Variants in MS4A12 observed in about 807,000 individuals in gnomAD.
MS4A12 encodes membrane-spanning 4-domains subfamily A member 12.
A neutral mutation model predicts 23.7 loss-of-function variants in MS4A12; 28 were observed. That is an observed-to-expected ratio of 1.18 (90% CI 0.88 to 1.62). MS4A12 has a LOEUF of 1.62. Among genes scored for constraint, MS4A12 ranks in the 40% most tolerant of loss-of-function variants. The pLI, the probability that MS4A12 is intolerant of heterozygous loss-of-function variation, is 0.00. For missense variants in MS4A12, 342 were observed against 327.0 expected, an observed-to-expected ratio of 1.05 and a Z score of -0.35; for synonymous variants, 108 against 110.1, an observed-to-expected ratio of 0.98 and a Z score of 0.12.
chr11:60,493,652 G>C (rs975384087), intron 1 of MS4A12, among the ~76,000 whole-genome samples: 6 of 152,078 alleles, frequency 3.9e-5, no homozygotes, highest in African/African-American at 1.4e-4. Flanking sequence ...TCAGCATTTT[G>C]TGAAAGGTGA....
intron 2 of MS4A12, 163 bp downstream of exon 2, chr11:60,497,757 A>T: frequency 1.2e-6 from 1 of 819,254 alleles, no homozygotes. Context: ...CCTTGAGTTC[A>T]TTTCATTTTA....
Position 60,501,059 on chromosome 11 carries a change from G to A in MS4A12, c.291G>A (p.Met97Ile). ...TCTTTTTTCAGGTGATCCAGATCAT[G>A]GTTGGATTGATGCACATTGGTTTTG... ...EAKALGVIQI[M>I]VGLMHIGFGI... The change falls in exon 3 of 7, where the codon ATG becomes ATA. Residue 97 changes from methionine (M) to isoleucine (I), a missense_variant. Physicochemically the swap from Met to Ile is conservative, Grantham distance 10. Coordinates refer to ENST00000016913, the MANE Select transcript of MS4A12 (RefSeq NM_017716.3). The A allele has an allele frequency of 6.2e-7, 1 of 1,607,470 alleles. No homozygotes were observed. Among genetic ancestry groups the A allele is most frequent in the Non-Finnish European group, 8.5e-7 (1 of 1,177,740 alleles).
chr11:60,501,176 C>G lies in MS4A12; in HGVS notation c.408C>G (p.Gly136=). ...AVIGGYPFWG[G]LSFIISGSLS... ...TTGGTGGATACCCATTCTGGGGTGG[C>G]CTTTCTGTGAGTAGATTGCTAGAAC... The change falls in exon 3 of 7, where the codon GGC becomes GGG. Residue 136 remains glycine, a synonymous_variant. Coordinates refer to ENST00000016913, the MANE Select transcript of MS4A12 (RefSeq NM_017716.3). 8 of 1,604,458 alleles carry G rather than the reference C, an allele frequency of 5.0e-6. No homozygotes were observed. The highest frequency in any genetic ancestry group is 6.8e-6 in the Non-Finnish European group (8 of 1,177,040).
At position 60,501,136 on chromosome 11, in the gene MS4A12, C is replaced by A. The variant is rs1309023758; in HGVS notation, c.368C>A (p.Ala123Asp). The A allele has an allele frequency of 1.2e-6, 2 of 1,613,198 alleles. No homozygotes were observed. Among genetic ancestry groups the A allele is most frequent in the Non-Finnish European group, 8.5e-7 (1 of 1,179,696 alleles). The change falls in exon 3 of 7, where the codon GCC (alanine) becomes GAC (aspartate). Residue 123 changes from alanine (A) to aspartate (D), a missense_variant. Physicochemically the swap from Ala to Asp is moderately radical, Grantham distance 126. Coordinates refer to ENST00000016913, the MANE Select transcript of MS4A12 (RefSeq NM_017716.3). ...SFSFREVLGF[A>D]STAVIGGYPF... ...TCTTTTAGAGAAGTATTAGGTTTTG[C>A]CTCTACTGCTGTTATTGGTGGATAC...
At chr11:60,506,453 AAAC>A (rs1346379758) in intron 5 of MS4A12, among the ~76,000 whole-genome samples, 26 of 152,346 alleles carry the variant, frequency 1.7e-4, no homozygotes, top group African/African-American at 4.8e-4. Context: ...GTATTAAAAA[AAAC>A]AACGAGGCCA....
intron 1 of MS4A12, among the ~76,000 whole-genome samples, chr11:60,494,375 A>G (rs2086472206): frequency 6.6e-6 from 1 of 152,258 alleles, no homozygotes; most frequent in Non-Finnish European, 1.5e-5. Flanking sequence ...ACAAAAAAAA[A>G]GCAATGATCA....
rs767148279 is a variant in MS4A12, at chr11:60,507,136, G to A, written c.*12G>A. 8 of 1,587,302 alleles carry A rather than the reference G, an allele frequency of 5.0e-6. No individual in the cohort carries two copies. The highest frequency in any genetic ancestry group is 6.9e-6 in the Non-Finnish European group (8 of 1,155,878). On this transcript the variant is annotated 3_prime_UTR_variant, in exon 7 of 7. Transcript: ENST00000016913. ...ATGCCCCTAAATAGTAAAAGAAAAA[G>A]GGGTATCAGTCTAATCTCATGGAGA...
chr11:60,498,721 C>T (rs1183744890), intron 2 of MS4A12, among the ~76,000 whole-genome samples: 1 of 152,166 alleles, frequency 6.6e-6, no homozygotes, highest in African/African-American at 2.4e-5. Flanking sequence ...CTAAAAAGTA[C>T]TAGGCAGTGA....
chr11:60,500,408 G>C (rs1397214181), intron 2 of MS4A12, among the ~76,000 whole-genome samples: 1 of 152,176 alleles, frequency 6.6e-6, no homozygotes, highest in Non-Finnish European at 1.5e-5. Flanking sequence ...GCAGAGCTGA[G>C]CATGGGGGAA....
In MS4A12 at chr11:60,500,261, C is replaced by CA. The variant is rs1322776085; in HGVS notation, c.277-773dup. ...GTCTCAAAAAAAAACCAAAAAAAAA[C>CA]AAAAAAAAAAACAATATAAATGAAT... On this transcript the variant is annotated intron_variant, in intron 2 of 6. Transcript: ENST00000016913. 2.8e-3 allele frequency among the ~76,000 whole-genome samples: 369 copies of CA among 131,854 alleles called. 5 individuals carry two copies. The highest frequency in any genetic ancestry group is 4.9e-3 in the South Asian group (20 of 4,078). The allele number at this position is 131,854 out of a possible 152,430, so 86.5% of individuals were successfully genotyped here. A position where few individuals can be genotyped will look rare whatever the true frequency, so the allele number is the denominator to read the frequency against.
chr11:60,497,734 C>T, intron 2 of MS4A12, 140 bp downstream of exon 2: 1 of 953,862 alleles, frequency 1.0e-6, no homozygotes, highest in South Asian at 1.8e-5. Flanking sequence ...ATTTAGTCTG[C>T]CTATAGACTT....
At position 60,497,329 on chromosome 11, in the gene MS4A12, C is replaced by T. The variant is rs2086494849; in HGVS notation, c.11C>T (p.Ser4Phe). ...GATACTTAGGACATAATGATGTCAT[C>T]CAAGCCAACAAGCCATGCTGAAGTA... MMS[S>F]KPTSHAEVNE... The change falls in exon 2 of 7, where the codon TCC becomes TTC. Residue 4 changes from serine to phenylalanine, a missense_variant. Coordinates refer to ENST00000016913, the MANE Select transcript of MS4A12 (RefSeq NM_017716.3). The T allele has an allele frequency of 1.2e-6, 2 of 1,612,964 alleles. No individual in the cohort carries two copies. Among genetic ancestry groups the T allele is most frequent in the South Asian group, 2.2e-5 (2 of 90,868 alleles).
intron 5 of MS4A12, among the ~76,000 whole-genome samples, chr11:60,504,948 A>G (rs181305910): frequency 2.0e-5 from 3 of 152,294 alleles, no homozygotes; most frequent in African/African-American, 4.8e-5. Flanking sequence ...CTCTGAGACA[A>G]TCCTTTGTTA....
At chr11:60,503,905 G>A in intron 5 of MS4A12, 88 bp downstream of exon 5, 1 of 1,121,192 alleles carries the variant, frequency 8.9e-7, no homozygotes, top group Non-Finnish European at 1.3e-6. Context: ...CCGTATACCA[G>A]CTCTAGTGGA....
chr11:60,503,604 G>T, intron 4 of MS4A12, 97 bp from the exon 5 acceptor site: 1 of 1,018,922 alleles, frequency 9.8e-7, no homozygotes, highest in Non-Finnish European at 1.4e-6. Flanking sequence ...TGTTTTGAAA[G>T]TTCAAAAATT....
At chr11:60,505,691 C>T (rs2086565171) in intron 5 of MS4A12, among the ~76,000 whole-genome samples, 1 of 152,140 alleles carries the variant, frequency 6.6e-6, no homozygotes, top group South Asian at 2.1e-4. Flanking sequence ...CACTAACACT[C>T]TCCAGTCTGT....
intron 2 of MS4A12, among the ~76,000 whole-genome samples, chr11:60,498,224 T>G (rs2086504424): frequency 6.6e-6 from 1 of 152,208 alleles, no homozygotes; most frequent in Non-Finnish European, 1.5e-5. Flanking sequence ...TTCTCCGTGC[T>G]TTCCAAATAC....
At chr11:60,501,242 A>G in intron 3 of MS4A12, 60 bp downstream of exon 3, 1 of 1,487,654 alleles carries the variant, frequency 6.7e-7, no homozygotes, top group Non-Finnish European at 9.0e-7. Context: ...CTCTTGGTTT[A>G]TAAAGTATTG....
Position 60,497,333 on chromosome 11 carries a change from G to T in MS4A12, c.15G>T (p.Lys5Asn). 1 of 1,613,208 alleles carries T rather than the reference G, an allele frequency of 6.2e-7. No individual in the cohort carries two copies. Among genetic ancestry groups the T allele is most frequent in the Non-Finnish European group, 8.5e-7 (1 of 1,179,596 alleles). MMSS[K>N]PTSHAEVNET... ...CTTAGGACATAATGATGTCATCCAA[G>T]CCAACAAGCCATGCTGAAGTAAATG... The change falls in exon 2 of 7, where the codon AAG (lysine) becomes AAT (asparagine). Residue 5 changes from lysine (K) to asparagine (N), a missense_variant. Transcript: ENST00000016913.
Sources: allele counts gnomAD v4.1 joint callset (sites outside exome capture counted in the v4.1 genomes callset), GRCh38; gene constraint gnomAD v4.1.1; transcripts MANE v1.5; gene names NCBI Gene and HGNC (gene_info 2026-07-23, HGNC 2026-07-21).